LRCH1: variants seen among roughly 807,000 people sequenced by gnomAD.
LRCH1 encodes leucine-rich repeat and calponin homology domain-containing protein 1.
In LRCH1, 23 loss-of-function variants were observed where a neutral mutation model predicts 94.9. That is an observed-to-expected ratio of 0.24 (90% CI 0.17 to 0.34). LRCH1 has a LOEUF of 0.34. Among genes scored for constraint, LRCH1 ranks in the 10% least tolerant of loss-of-function variants. The probability of loss-of-function intolerance (pLI) is 1.00; values close to 1 mark genes in which losing one functional copy is unlikely to be tolerated. For synonymous variants in LRCH1, 364 were observed against 354.9 expected, an observed-to-expected ratio of 1.03 and a Z score of -0.29; for missense variants, 790 against 945.9, an observed-to-expected ratio of 0.84 and a Z score of 2.16.
intron 1 of LRCH1, among the ~76,000 whole-genome samples, chr13:46,606,262 A>G (rs1435127160): frequency 1.3e-5 from 2 of 151,782 alleles, no homozygotes; most frequent in African/African-American, 4.8e-5. Flanking sequence ...CAATCTCATC[A>G]TTATCAACAC....
chr13:46,726,222 AG>A (rs146297475), intron 17 of LRCH1, among the ~76,000 whole-genome samples: 73 of 152,304 alleles, frequency 4.8e-4, no homozygotes, highest in African/African-American at 1.7e-3. Flanking sequence ...CTTCCCACTA[AG>A]TACACCTAAA....
Position 46,650,340 on chromosome 13 carries a change from C to T in LRCH1, c.447C>T (p.Asn149=), listed in dbSNP as rs1057017920. 5.7e-6 allele frequency: 9 copies of T among 1,591,268 alleles called. No individual in the cohort carries two copies. Among genetic ancestry groups the T allele is most frequent in the Non-Finnish European group, 7.7e-6 (9 of 1,169,284 alleles). Residue 149 remains asparagine, a synonymous_variant, in exon 2 of 20, where the codon AAC becomes AAT. Transcript: ENST00000389797. ...ATCTGCAGATGCTGACTTACCTGAA[C>T]TTGAGGTAGGTTAAACATAAAAGTT... The part of the protein sequence containing the change: ...IVNLQMLTYL[N]LSRNQLSALP...
intron 11 of LRCH1, among the ~76,000 whole-genome samples, chr13:46,704,548 A>G (rs1871652412): frequency 6.6e-6 from 1 of 152,106 alleles, no homozygotes; most frequent in Non-Finnish European, 1.5e-5. Flanking sequence ...CTGGCTTTAT[A>G]GGTCTTTAAG....
chr13:46,622,740 G>A (rs2050895111), intron 1 of LRCH1, among the ~76,000 whole-genome samples: 1 of 152,180 alleles, frequency 6.6e-6, no homozygotes, highest in Non-Finnish European at 1.5e-5. Flanking sequence ...TTTTTGCTGA[G>A]AATCAAGCTA....
At position 46,593,015 on chromosome 13, in the gene LRCH1, C is replaced by T. The variant is rs537029191; in HGVS notation, c.307+39312C>T. On this transcript the variant is annotated intron_variant, in intron 1 of 19. Coordinates refer to ENST00000389797, the MANE Select transcript of LRCH1 (RefSeq NM_001164211.2). ...CAAATCCCCATGTCCCTTCAGGACA[C>T]GGGTCCCAGCCTCTGCCCCAATGTA... Among the ~76,000 whole-genome samples the T allele has an allele frequency of 1.4e-4, 21 of 151,898 alleles. No homozygotes were observed. The South Asian group carries it at 1.5e-3, about 11-fold the overall frequency.
intron 16 of LRCH1, among the ~76,000 whole-genome samples, chr13:46,722,004 C>T (rs750979409): frequency 3.9e-5 from 6 of 152,098 alleles, no homozygotes; most frequent in Non-Finnish European, 7.4e-5. Flanking sequence ...TTACACCGAG[C>T]GGACTCAAGT....
At chr13:46,687,451 T>G (rs1870678896) in intron 5 of LRCH1, among the ~76,000 whole-genome samples, 1 of 152,244 alleles carries the variant, frequency 6.6e-6, no homozygotes, top group Non-Finnish European at 1.5e-5. Context: ...TTTAACAGCT[T>G]CTTAAATCTA....
rs1286681297 is a variant in LRCH1 at position 46,558,833 on chromosome 13, C to T, written c.307+5130C>T. Among the ~76,000 whole-genome samples the T allele has an allele frequency of 2.0e-5, 3 of 152,116 alleles. No individual in the cohort carries two copies. The East Asian group carries it at 5.8e-4, about 29-fold the overall frequency. Reference sequence around the variant, plus strand: ...TGTCTTTCTGGTCATATTCTTCTACCCAACTCCTGCCTTATAATGGAGTAA... The same window carrying T: ...TGTCTTTCTGGTCATATTCTTCTACTCAACTCCTGCCTTATAATGGAGTAA... On this transcript the variant is annotated intron_variant, in intron 1 of 19. Transcript: ENST00000389797.
At chr13:46,695,905 T>A (rs927624) in intron 9 of LRCH1, among the ~76,000 whole-genome samples, 111,929 of 152,106 alleles carry the variant, frequency 0.74, 41,317 homozygotes, top group East Asian at 0.85. Flanking sequence ...TCAGGACATG[T>A]TTATGGCCTC....
intron 1 of LRCH1, among the ~76,000 whole-genome samples, chr13:46,648,786 A>T (rs955324530): frequency 3.9e-5 from 6 of 152,168 alleles, no homozygotes; most frequent in Non-Finnish European, 7.3e-5. Flanking sequence ...TGCTATTATC[A>T]TAAATTATAT....
chr13:46,660,525 G>A (rs1443043366), intron 2 of LRCH1, among the ~76,000 whole-genome samples: 1 of 152,108 alleles, frequency 6.6e-6, no homozygotes, highest in Non-Finnish European at 1.5e-5. Flanking sequence ...CACACATTTT[G>A]TATTTTCTCT....
chr13:46,713,181 G>T (rs889350858), intron 15 of LRCH1, among the ~76,000 whole-genome samples: 2 of 152,186 alleles, frequency 1.3e-5, no homozygotes, highest in Non-Finnish European at 2.9e-5. Context: ...AATAATGGTT[G>T]CTTTTGAAAA....
At chr13:46,736,118 C>CTGTGTGTGTGTGTGTGTG (rs3138585) in intron 19 of LRCH1, among the ~76,000 whole-genome samples, 21 of 142,298 alleles carry the variant, frequency 1.5e-4, no homozygotes, top group African/African-American at 3.7e-4. Flanking sequence ...CAAATTTGCT[C>CTGTGTGTGTGTGTGTGTG]TGTGTGTGTG....
At chr13:46,737,352 T>G in intron 19 of LRCH1, among the ~76,000 whole-genome samples, 1 of 152,218 alleles carries the variant, frequency 6.6e-6, no homozygotes, top group Non-Finnish European at 1.5e-5. Flanking sequence ...CTCCTGCCTT[T>G]GCCTCCGAAA....
intron 1 of LRCH1, among the ~76,000 whole-genome samples, chr13:46,599,974 AC>A (rs1348995330): frequency 6.6e-6 from 1 of 152,228 alleles, no homozygotes. Context: ...GGCTCACGCC[AC>A]CGATCTTAAT....
chr13:46,622,785 TC>T (rs1442958300), intron 1 of LRCH1, among the ~76,000 whole-genome samples: 2 of 152,218 alleles, frequency 1.3e-5, no homozygotes, highest in East Asian at 3.8e-4. Flanking sequence ...AACATGACAG[TC>T]CTCAGAATTT....
chr13:46,723,475 T>G lies in LRCH1; in HGVS notation c.1869+145T>G, dbSNP rs191740385. ...ACTGCTGGATGTTGGGCAAGCCACT[T>G]AACAACCCTGAGTCTGTTTCTTTGT... is the stretch of plus-strand genomic sequence containing the variant. On this transcript the variant is annotated intron_variant, in intron 17 of 19. Coordinates refer to ENST00000389797, the MANE Select transcript of LRCH1 (RefSeq NM_001164211.2). The G allele has an allele frequency of 8.2e-4, 534 of 649,302 alleles. 3 individuals are homozygous for G. Among genetic ancestry groups the G allele is most frequent in the Admixed American group, 1.6e-3 (56 of 34,444 alleles). The allele number at this position is 649,302 out of a possible 1,614,324, so 40.2% of individuals were successfully genotyped here.
At chr13:46,586,899 C>G (rs755146786) in intron 1 of LRCH1, among the ~76,000 whole-genome samples, 1 of 152,158 alleles carries the variant, frequency 6.6e-6, no homozygotes, top group African/African-American at 2.4e-5. Context: ...TGCACAGATG[C>G]GGTTCATTTC....
intron 1 of LRCH1, among the ~76,000 whole-genome samples, chr13:46,614,864 T>C (rs993115853): frequency 1.3e-5 from 2 of 152,138 alleles, no homozygotes; most frequent in Non-Finnish European, 2.9e-5. Context: ...AGTCAGAAAA[T>C]CCTGTTGGAA....
Sources: gnomAD v4.1 joint callset for allele counts (sites outside exome capture counted in the v4.1 genomes callset) on GRCh38, gnomAD v4.1.1 for gene constraint, MANE v1.5 for transcripts, NCBI Gene and HGNC (gene_info 2026-07-23, HGNC 2026-07-21) for gene names.